Variants in CTCF observed in about 807,000 individuals in gnomAD.
The protein encoded by CTCF is transcriptional repressor CTCF.
In CTCF, 7 loss-of-function variants were observed where a neutral mutation model predicts 72.3. The observed-to-expected ratio is 0.10, with a 90% CI of 0.06 to 0.18. The LOEUF (loss-of-function observed/expected upper bound fraction) is 0.18. Among genes scored for constraint, CTCF ranks in the 10% least tolerant of loss-of-function variants. The probability of loss-of-function intolerance (pLI) is 1.00; values close to 1 mark genes in which losing one functional copy is unlikely to be tolerated. For synonymous variants in CTCF, 374 were observed against 315.8 expected (o/e 1.18, Z -1.95); for missense variants, 516 against 949.1 (o/e 0.54, Z 6.00).
In CTCF at chr16:67,637,951, C is replaced by A. The variant is rs1461440195; in HGVS notation, c.*79C>A. On this transcript the variant is annotated 3_prime_UTR_variant, in exon 12 of 12. Transcript: ENST00000264010. ...GCATCTTAATTTTTCTCCCTTCTTTCTTTTTTTGGCTTTGGGAAAAGCATC... is the reference window on the plus strand; with the variant it reads ...GCATCTTAATTTTTCTCCCTTCTTTATTTTTTTGGCTTTGGGAAAAGCATC... 2.4e-6 allele frequency: 3 copies of A among 1,272,094 alleles called. No individual in the cohort carries two copies. Among genetic ancestry groups the A allele is most frequent in the African/African-American group, 1.5e-5 (1 of 67,036 alleles). 78.8% of individuals were successfully genotyped at this position (1,272,094 alleles called of 1,614,324 possible).
chr16:67,624,949 G>C (rs981558490), intron 7 of CTCF, among the ~76,000 whole-genome samples: 41 of 151,378 alleles, frequency 2.7e-4, no homozygotes, highest in Non-Finnish European at 2.9e-5. Flanking sequence ...GTGAGAGACG[G>C]AGTTTCACTC....
intron 4 of CTCF, among the ~76,000 whole-genome samples, chr16:67,614,005 T>C (rs1257559171): frequency 1.3e-5 from 2 of 152,082 alleles, no homozygotes; most frequent in Non-Finnish European, 2.9e-5. Context: ...CTTTTCATGT[T>C]CCAGATGCAG....
At chr16:67,593,655 G>C (rs988868294) in intron 2 of CTCF, among the ~76,000 whole-genome samples, 1 of 152,104 alleles carries the variant, frequency 6.6e-6, no homozygotes, top group Non-Finnish European at 1.5e-5. Context: ...AAAGTTCATG[G>C]GGTCTTAGAG....
At position 67,580,258 on chromosome 16, in the gene CTCF, A is replaced by T. The variant is rs1597685669; in HGVS notation, c.-10+8994A>T. 1.3e-5 allele frequency among the ~76,000 whole-genome samples: 2 copies of T among 152,158 alleles called. 1 individual carries two copies. ...AGACTCTCGCTCTGTTGCCCAGGCT[A>T]GAGTGCTGTGGTGTGATCATAGCTC... On this transcript the variant is annotated intron_variant, in intron 2 of 11. Coordinates refer to ENST00000264010, the MANE Select transcript of CTCF (RefSeq NM_006565.4).
intron 2 of CTCF, among the ~76,000 whole-genome samples, chr16:67,573,685 C>T (rs1195678601): frequency 6.6e-6 from 1 of 151,422 alleles, no homozygotes. Flanking sequence ...GGGAAAAACT[C>T]TCAAGCCCAG....
chr16:67,599,894 G>C (rs565562114), intron 2 of CTCF, among the ~76,000 whole-genome samples: 1 of 152,340 alleles, frequency 6.6e-6, no homozygotes, highest in South Asian at 2.1e-4. Context: ...GTGAAACTGG[G>C]ATTGCAGATA....
At chr16:67,569,518 T>C (rs2051385176) in intron 1 of CTCF, among the ~76,000 whole-genome samples, 1 of 152,144 alleles carries the variant, frequency 6.6e-6, no homozygotes, top group African/African-American at 2.4e-5. Flanking sequence ...TCTTTTTCTT[T>C]AGAGGTAGGT....
In CTCF at chr16:67,629,499, G is replaced by A. The variant is rs765563612; in HGVS notation, c.1803G>A (p.Lys601=). ...TKKSKRGRKR[K]MRSKKEDSSD... The stretch of plus-strand genomic sequence containing the variant: ...AGAGTAAACGTGGAAGAAAAAGAAA[G>A]ATGCGCTCTAAGAAAGAAGATTCCT... The change falls in exon 10 of 12, where the codon AAG becomes AAA. Residue 601 remains lysine, a synonymous_variant. Transcript: ENST00000264010. 1 of 1,613,698 alleles carries A rather than the reference G, an allele frequency of 6.2e-7. No homozygotes were observed. Among genetic ancestry groups the A allele is most frequent in the East Asian group, 2.2e-5 (1 of 44,866 alleles).
intron 2 of CTCF, among the ~76,000 whole-genome samples, chr16:67,604,128 CAA>C (rs762004795): frequency 2.1e-4 from 12 of 57,500 alleles, no homozygotes; most frequent in Admixed American, 3.9e-4. Context: ...AACCCCGTCT[CAA>C]AAAAAAAAAA....
chr16:67,629,485 G>A lies in CTCF; in HGVS notation c.1789G>A (p.Gly597Arg), dbSNP rs1012435511. Residue 597 changes from glycine (G) to arginine (R), a missense_variant, in exon 10 of 12, where the codon GGA becomes AGA. By Grantham distance (125) the Gly-to-Arg change is moderately radical. Transcript: ENST00000264010. ...NGGETKKSKRGRKRKMRSKKE... is the reference protein window; with the variant it reads ...NGGETKKSKRRRKRKMRSKKE... ...AGGAGAAACGAAGAAGAGTAAACGT[G>A]GAAGAAAAAGAAAGATGCGCTCTAA... 1.2e-6 allele frequency: 2 copies of A among 1,613,338 alleles called. No homozygotes were observed. Among genetic ancestry groups the A allele is most frequent in the Admixed American group, 3.3e-5 (2 of 59,878 alleles).
At chr16:67,566,310 C>G (rs1415613237) in intron 1 of CTCF, among the ~76,000 whole-genome samples, 1 of 151,658 alleles carries the variant, frequency 6.6e-6, no homozygotes, top group African/African-American at 2.4e-5. Context: ...TTGAGACCAG[C>G]CTGGCCAACA....
At chr16:67,597,412 G>A (rs766761930) in intron 2 of CTCF, among the ~76,000 whole-genome samples, 4 of 151,590 alleles carry the variant, frequency 2.6e-5, no homozygotes, top group Admixed American at 1.3e-4. Flanking sequence ...TGATCTTGAC[G>A]CACTACAACC....
intron 11 of CTCF, 50 bp downstream of exon 11, chr16:67,636,901 G>A (rs771024968): frequency 2.2e-5 from 31 of 1,418,902 alleles, no homozygotes; most frequent in South Asian, 6.5e-5. Flanking sequence ...CCGAGCATGT[G>A]GGGGAGCCAG....
At chr16:67,588,413 G>A (rs536839500) in intron 2 of CTCF, among the ~76,000 whole-genome samples, 1 of 152,128 alleles carries the variant, frequency 6.6e-6, no homozygotes, top group African/African-American at 2.4e-5. Flanking sequence ...CTGCTTCCAG[G>A]GATATGGGTC....
chr16:67,581,607 G>C (rs920712063), intron 2 of CTCF, among the ~76,000 whole-genome samples: 4 of 152,016 alleles, frequency 2.6e-5, no homozygotes, highest in African/African-American at 9.7e-5. Context: ...AGGTTCAAGC[G>C]ATTCTCCTTC....
chr16:67,594,968 C>T (rs889209957), intron 2 of CTCF, among the ~76,000 whole-genome samples: 1 of 152,098 alleles, frequency 6.6e-6, no homozygotes. Flanking sequence ...ACATCAGATA[C>T]TGATATAGAA....
intron 1 of CTCF, among the ~76,000 whole-genome samples, chr16:67,569,583 A>G (rs1291545413): frequency 6.6e-6 from 1 of 152,084 alleles, no homozygotes; most frequent in African/African-American, 2.4e-5. Flanking sequence ...TAGGGTGAAA[A>G]GATGCCATCT....
Position 67,611,198 on chromosome 16 carries a change from G to A in CTCF, c.366G>A (p.Val122=), listed in dbSNP as rs376807851. ...AGCTTGTTCAAGTACCTGTTCCTGT[G>A]ACTGTACCTGTTGCTACCACTTCAG... ...ELQLVQVPVP[V]TVPVATTSVE... Residue 122 remains valine, a synonymous_variant, in exon 3 of 12, where the codon GTG becomes GTA. Transcript: ENST00000264010. 2.3e-5 allele frequency: 37 copies of A among 1,614,060 alleles called. No individual in the cohort carries two copies. The highest frequency in any genetic ancestry group is 4.0e-5 in the African/African-American group (3 of 74,928).
At position 67,611,281 on chromosome 16, in the gene CTCF, G is replaced by A; in HGVS notation, c.449G>A (p.Ser150Asn). 1 of 1,614,136 alleles carries A rather than the reference G, an allele frequency of 6.2e-7. No homozygotes were observed. Among genetic ancestry groups the A allele is most frequent in the East Asian group, 2.2e-5 (1 of 44,880 alleles). The change falls in exon 3 of 12, where the codon AGT becomes AAT. Residue 150 changes from serine (S) to asparagine (N), a missense_variant. Physicochemically the swap from Ser to Asn is conservative, Grantham distance 46. Transcript: ENST00000264010. ...GTGTCTAAAGAGGGCCTTGCGGAAA[G>A]TGAACCCATGATATGCCACACCCTA... Reference protein sequence around the residue: ...NEVSKEGLAESEPMICHTLPL... With the variant: ...NEVSKEGLAENEPMICHTLPL...
Sources: allele counts gnomAD v4.1 joint callset (sites outside exome capture counted in the v4.1 genomes callset), GRCh38; gene constraint gnomAD v4.1.1; transcripts MANE v1.5; gene names NCBI Gene and HGNC (gene_info 2026-07-23, HGNC 2026-07-21).